DLG1: variants seen among roughly 807,000 people sequenced by gnomAD.
DLG1 encodes the protein discs large MAGUK scaffold protein 1, also known as disks large homolog 1.
DLG1 carries 42 observed loss-of-function variants against 123.4 expected under a neutral mutation model. That is an observed-to-expected ratio of 0.34 (90% CI 0.27 to 0.44). The LOEUF is 0.44. DLG1 is among the 20% of genes least tolerant of loss of function. The pLI is 1.00. For synonymous variants in DLG1, 317 were observed against 356.2 expected, an observed-to-expected ratio of 0.89 and a Z score of 1.24; for missense variants, 942 against 1,082.6, an observed-to-expected ratio of 0.87 and a Z score of 1.82.
In DLG1 at chr3:197,139,788, TAC is replaced by T. The variant is rs1210033011; in HGVS notation, c.713+350_713+351del. Among the ~76,000 whole-genome samples the T allele has an allele frequency of 2.8e-5, 4 of 140,372 alleles. No individual in the cohort carries two copies. The East Asian group carries it at 1.6e-3, about 57-fold the overall frequency. 92.1% of individuals were successfully genotyped at this position (140,372 alleles called of 152,430 possible). Reference sequence around the variant, plus strand: ...CTGTGAGTGTACTTAAATAAGTTTATACACATGTTTCCCAGCCAGAGAGGAAA... The same window carrying T: ...CTGTGAGTGTACTTAAATAAGTTTATACATGTTTCCCAGCCAGAGAGGAAA... On this transcript the variant is annotated intron_variant, in intron 8 of 24. Transcript: ENST00000667157.
chr3:197,280,732 T>C (rs1437335499), intron 4 of DLG1, among the ~76,000 whole-genome samples: 1 of 152,200 alleles, frequency 6.6e-6, no homozygotes, highest in Non-Finnish European at 1.5e-5. Flanking sequence ...TAAAAAATAC[T>C]AGTAAGCAAT....
At chr3:197,122,130 T>C (rs1335793102) in intron 11 of DLG1, among the ~76,000 whole-genome samples, 1 of 151,990 alleles carries the variant, frequency 6.6e-6, no homozygotes, top group Non-Finnish European at 1.5e-5. Context: ...TGATATATAA[T>C]ATATATTATA....
chr3:197,062,702 C>T (rs903135713), intron 22 of DLG1, among the ~76,000 whole-genome samples: 2 of 152,072 alleles, frequency 1.3e-5, no homozygotes, highest in African/African-American at 2.4e-5. Flanking sequence ...TTTTAATTAA[C>T]GAATTATATT....
intron 4 of DLG1, among the ~76,000 whole-genome samples, chr3:197,273,188 ATGTGTGTGTG>A (rs34778202): frequency 1.9e-3 from 287 of 147,970 alleles, no homozygotes; most frequent in Non-Finnish European, 3.7e-3. Context: ...CACTGAATAT[ATGTGTGTGTG>A]TGTGTGTGTG....
chr3:197,106,828 G>A (rs1291347831), intron 13 of DLG1, among the ~76,000 whole-genome samples: 1 of 152,118 alleles, frequency 6.6e-6, no homozygotes, highest in Non-Finnish European at 1.5e-5. Flanking sequence ...TAGCCTTAGA[G>A]TCACTTTTTT....
chr3:197,260,046 G>GA (rs1758657055), intron 4 of DLG1, among the ~76,000 whole-genome samples: 2 of 152,080 alleles, frequency 1.3e-5, no homozygotes, highest in Non-Finnish European at 1.5e-5. Flanking sequence ...AAATCTCAGG[G>GA]AAAAAACATC....
chr3:197,249,802 C>T (rs1324417040), intron 4 of DLG1, among the ~76,000 whole-genome samples: 1 of 152,016 alleles, frequency 6.6e-6, no homozygotes, highest in Non-Finnish European at 1.5e-5. Context: ...TTAACAGAAC[C>T]GAAAACAAAA....
intron 1 of DLG1, chr3:197,297,880 TC>T (rs948495402): frequency 1.0e-6 from 1 of 984,388 alleles, no homozygotes; most frequent in African/African-American, 1.8e-5. Flanking sequence ...CCGGCCCCGC[TC>T]CACGTACCCC....
intron 4 of DLG1, among the ~76,000 whole-genome samples, chr3:197,258,121 T>C (rs1266751339): frequency 6.6e-6 from 1 of 152,210 alleles, no homozygotes; most frequent in Non-Finnish European, 1.5e-5. Flanking sequence ...AGCATCTTTT[T>C]GTCCCACAAA....
At chr3:197,232,342 T>G in intron 4 of DLG1, among the ~76,000 whole-genome samples, 2 of 131,782 alleles carry the variant, frequency 1.5e-5, no homozygotes, top group African/African-American at 2.9e-5. Context: ...CCAGCATGGA[T>G]GACAGAGACC....
At chr3:197,162,580 T>C (rs1435678735) in intron 5 of DLG1, among the ~76,000 whole-genome samples, 1 of 152,188 alleles carries the variant, frequency 6.6e-6, no homozygotes, top group African/African-American at 2.4e-5. Context: ...CTTTTCTGCC[T>C]ACCAAATTAG....
chr3:197,228,685 T>G (rs2923679), intron 4 of DLG1, among the ~76,000 whole-genome samples: 1 of 151,846 alleles, frequency 6.6e-6, no homozygotes, highest in East Asian at 1.9e-4. Context: ...GTGGATCTGA[T>G]AGATTTGCAC....
intron 4 of DLG1, among the ~76,000 whole-genome samples, chr3:197,251,349 A>T (rs1410666550): frequency 6.6e-6 from 1 of 152,230 alleles, no homozygotes; most frequent in Non-Finnish European, 1.5e-5. Flanking sequence ...CAAATGGTCA[A>T]GGCAAAGAAC....
At chr3:197,260,876 T>C (rs957380623) in intron 4 of DLG1, among the ~76,000 whole-genome samples, 8 of 150,468 alleles carry the variant, frequency 5.3e-5, no homozygotes, top group Non-Finnish European at 8.8e-5. Flanking sequence ...CAGTAATGAA[T>C]GGAATATTCC....
intron 10 of DLG1, among the ~76,000 whole-genome samples, chr3:197,131,845 G>T (rs1054019613): frequency 6.6e-6 from 1 of 151,640 alleles, no homozygotes; most frequent in Admixed American, 6.6e-5. Context: ...CGCCCGCCTC[G>T]GCCTCCCAAA....
rs182660539 is a variant in DLG1 at position 197,207,559 on chromosome 3, C to T, written c.319-12970G>A. ...AACTGAAATTCTTGTAAAAAACCAG[C>T]AAGAAAAAAAGAAAGTCTATAGATA... On this transcript the variant is annotated intron_variant, in intron 4 of 24. Coordinates refer to ENST00000667157, the MANE Select transcript of DLG1 (RefSeq NM_001366207.1). Among the ~76,000 whole-genome samples the T allele has an allele frequency of 5.4e-3, 822 of 151,784 alleles. 6 individuals carry two copies. Among genetic ancestry groups the T allele is most frequent in the Non-Finnish European group, 0.01 (693 of 67,882 alleles).
At chr3:197,085,803 A>G (rs1219518222) in intron 15 of DLG1, 47 bp from the exon 16 acceptor site, 3 of 1,539,824 alleles carry the variant, frequency 1.9e-6, no homozygotes, top group South Asian at 1.2e-5. Flanking sequence ...TATAATATTA[A>G]TCAACATATC....
chr3:197,161,491 C>CA (rs1798739672), intron 5 of DLG1: 3 of 450,252 alleles, frequency 6.7e-6, no homozygotes, highest in East Asian at 7.4e-5. Context: ...TATTAAATCC[C>CA]AAATGTTTAA....
intron 5 of DLG1, among the ~76,000 whole-genome samples, chr3:197,177,285 G>A (rs1026950818): frequency 6.6e-6 from 1 of 152,040 alleles, no homozygotes; most frequent in Non-Finnish European, 1.5e-5. Context: ...TGAATGTTTG[G>A]GGAGTCAATA....
Sources: gnomAD v4.1 joint callset for allele counts (sites outside exome capture counted in the v4.1 genomes callset) on GRCh38, gnomAD v4.1.1 for gene constraint, MANE v1.5 for transcripts, NCBI Gene and HGNC (gene_info 2026-07-23, HGNC 2026-07-21) for gene names.